Variants in SGPP1 observed in about 807,000 individuals in gnomAD.
SGPP1 encodes the protein sphingosine-1-phosphate phosphatase 1.
Under a neutral mutation model 33.0 loss-of-function variants are expected in SGPP1, and 21 were observed. The ratio of observed to expected loss-of-function variants is 0.64; its 90% CI spans 0.45 to 0.92. The LOEUF is 0.92. SGPP1 is among the 40% of genes least tolerant of loss of function. SGPP1 has a pLI of 0.00. For missense variants in SGPP1, 543 were observed against 589.4 expected (o/e 0.92, Z 0.81); for synonymous variants, 239 against 241.2 (o/e 0.99, Z 0.08).
rs953232249 is a variant in SGPP1 at position 63,727,980 on chromosome 14, G to A, written c.-36C>T. The A allele has an allele frequency of 2.0e-6, 3 of 1,521,812 alleles. No homozygotes were observed. The highest frequency in any genetic ancestry group is 2.6e-6 in the Non-Finnish European group (3 of 1,143,224). 94.3% of individuals were successfully genotyped at this position (1,521,812 alleles called of 1,614,324 possible). ...CCCCCGGGAAGGCGGGCCGGCCTCC[G>A]GCGCAGCCCCGAACTGTCCCCGCGC... is the stretch of plus-strand genomic sequence containing the variant. On this transcript the variant is annotated 5_prime_UTR_variant, in exon 1 of 3. Transcript: ENST00000247225.
intron 1 of SGPP1, among the ~76,000 whole-genome samples, chr14:63,704,220 A>G (rs1885360992): frequency 6.6e-6 from 1 of 152,212 alleles, no homozygotes. Flanking sequence ...GAGCCAAAAC[A>G]ATACTAAAAA....
chr14:63,715,256 C>T (rs1424173492), intron 1 of SGPP1, among the ~76,000 whole-genome samples: 1 of 151,970 alleles, frequency 6.6e-6, no homozygotes, highest in Non-Finnish European at 1.5e-5. Context: ...CTCAGGTGAT[C>T]CACCCACCTC....
intron 1 of SGPP1, among the ~76,000 whole-genome samples, chr14:63,707,093 T>A (rs1566821918): frequency 6.7e-6 from 1 of 149,618 alleles, no homozygotes; most frequent in Non-Finnish European, 1.5e-5. Flanking sequence ...AATGTACACA[T>A]TAAATGAGAA....
In SGPP1 at chr14:63,727,697, C is replaced by A; in HGVS notation, c.248G>T (p.Gly83Val). Residue 83 changes from glycine (G) to valine (V), a missense_variant, in exon 1 of 3, where the codon GGC (glycine) becomes GTC (valine). Gly to Val is a moderately radical substitution (Grantham distance 109). Coordinates refer to ENST00000247225, the MANE Select transcript of SGPP1 (RefSeq NM_030791.4). ...GTTCCGCACGCCGTTGGGGGCGCCGCCGCCGTCCGGCTTGGCCGGGCACTG... is the reference window on the plus strand; with the variant it reads ...GTTCCGCACGCCGTTGGGGGCGCCGACGCCGTCCGGCTTGGCCGGGCACTG... Reference protein sequence around the residue: ...RNQCPAKPDGGGAPNGVRNGL... With the variant: ...RNQCPAKPDGVGAPNGVRNGL... 7.5e-7 allele frequency: 1 copy of A among 1,338,342 alleles called. No homozygotes were observed. Among genetic ancestry groups the A allele is most frequent in the Non-Finnish European group, 9.5e-7 (1 of 1,050,404 alleles). 82.9% of individuals were successfully genotyped at this position (1,338,342 alleles called of 1,614,324 possible).
chr14:63,719,002 A>T (rs1566536664), intron 1 of SGPP1, among the ~76,000 whole-genome samples: 3 of 23,398 alleles, frequency 1.3e-4, no homozygotes, highest in African/African-American at 2.3e-4. Context: ...ATATATATAT[A>T]TATATATATA....
At position 63,728,028 on chromosome 14, in the gene SGPP1, C is replaced by T. The variant is rs575654132; in HGVS notation, c.-84G>A. 11 of 1,389,320 alleles carry T rather than the reference C, an allele frequency of 7.9e-6. No homozygotes were observed. In the African/African-American group the frequency reaches 1.2e-4, roughly 15 times the overall value. 86.1% of individuals were successfully genotyped at this position (1,389,320 alleles called of 1,614,324 possible). A position where few individuals can be genotyped will look rare whatever the true frequency, so the allele number is the denominator to read the frequency against. On this transcript the variant is annotated 5_prime_UTR_variant, in exon 1 of 3. Transcript: ENST00000247225. ...CGCTCCTGGCCAGCGGCAGCGGAAC[C>T]GGCACAGCGCTCTACCCTCCGGAGT...
chr14:63,715,415 T>C (rs779551132), intron 1 of SGPP1, among the ~76,000 whole-genome samples: 10 of 152,228 alleles, frequency 6.6e-5, no homozygotes, highest in Non-Finnish European at 1.0e-4. Flanking sequence ...ATGTTATTAT[T>C]GTCTATTTTA....
chr14:63,689,243 C>T (rs1216668898), intron 2 of SGPP1, among the ~76,000 whole-genome samples: 9 of 152,252 alleles, frequency 5.9e-5, no homozygotes, highest in East Asian at 5.8e-4. Flanking sequence ...CAACCTATCA[C>T]TCTGCATTCC....
At chr14:63,691,846 T>C (rs1885099225) in intron 2 of SGPP1, among the ~76,000 whole-genome samples, 1 of 152,098 alleles carries the variant, frequency 6.6e-6, no homozygotes, top group Non-Finnish European at 1.5e-5. Flanking sequence ...TATTTATACA[T>C]ATATTTTCAG....
At chr14:63,721,787 T>C (rs1453886650) in intron 1 of SGPP1, among the ~76,000 whole-genome samples, 1 of 152,224 alleles carries the variant, frequency 6.6e-6, no homozygotes, top group Non-Finnish European at 1.5e-5. Flanking sequence ...GTTTATCAAA[T>C]TTTTTATTTA....
intron 2 of SGPP1, among the ~76,000 whole-genome samples, chr14:63,695,112 A>C (rs1313647642): frequency 6.6e-6 from 1 of 151,960 alleles, no homozygotes; most frequent in Non-Finnish European, 1.5e-5. Context: ...GCTGGAGTGC[A>C]GTGGCGCGAT....
intron 1 of SGPP1, among the ~76,000 whole-genome samples, chr14:63,720,889 A>G (rs960803526): frequency 6.6e-6 from 1 of 152,240 alleles, no homozygotes; most frequent in Non-Finnish European, 1.5e-5. Context: ...TGTGGGACAG[A>G]GAAAGAAATG....
At chr14:63,712,946 T>G (rs912809351) in intron 1 of SGPP1, among the ~76,000 whole-genome samples, 1 of 150,508 alleles carries the variant, frequency 6.6e-6, no homozygotes, top group Non-Finnish European at 1.5e-5. Context: ...AAAATGGCAT[T>G]TCACCATGTT....
chr14:63,689,246 T>C (rs1037726571), intron 2 of SGPP1, among the ~76,000 whole-genome samples: 8 of 152,278 alleles, frequency 5.3e-5, no homozygotes, highest in African/African-American at 1.9e-4. Flanking sequence ...CCTATCACTC[T>C]GCATTCCTCC....
chr14:63,704,268 C>T (rs548663813), intron 1 of SGPP1, among the ~76,000 whole-genome samples: 48 of 152,276 alleles, frequency 3.2e-4, no homozygotes, highest in African/African-American at 1.2e-3. Context: ...TTTCCAATTT[C>T]AAAATTTACT....
intron 1 of SGPP1, among the ~76,000 whole-genome samples, chr14:63,720,119 C>A: frequency 3.2e-5 from 4 of 125,272 alleles, no homozygotes; most frequent in African/African-American, 6.5e-5. Context: ...AGGGAGCCTG[C>A]ATCTCACAAA....
intron 1 of SGPP1, among the ~76,000 whole-genome samples, chr14:63,719,623 AAT>A: frequency 6.6e-6 from 1 of 152,214 alleles, no homozygotes; most frequent in East Asian, 1.9e-4. Context: ...AATGTATAGA[AAT>A]AGTCAACTTA....
chr14:63,687,377 T>C (rs1885002240), intron 2 of SGPP1, among the ~76,000 whole-genome samples: 1 of 152,034 alleles, frequency 6.6e-6, no homozygotes, highest in Non-Finnish European at 1.5e-5. Context: ...GAAGTGGAGG[T>C]TGCAGTGAGC....
At chr14:63,711,885 C>T (rs1347343983) in intron 1 of SGPP1, among the ~76,000 whole-genome samples, 1 of 151,962 alleles carries the variant, frequency 6.6e-6, no homozygotes, top group Non-Finnish European at 1.5e-5. Flanking sequence ...TAAAACTTAG[C>T]TAGGCGTGGT....
Sources: allele counts gnomAD v4.1 joint callset (sites outside exome capture counted in the v4.1 genomes callset), GRCh38; gene constraint gnomAD v4.1.1; transcripts MANE v1.5; gene names NCBI Gene and HGNC (gene_info 2026-07-23, HGNC 2026-07-21).